The following ABR variants were observed in gnomAD, a reference collection of about 807,000 sequenced individuals.
The protein encoded by ABR is ABR activator of RhoGEF and GTPase.
ABR carries 35 observed loss-of-function variants against 107.2 expected under a neutral mutation model. That is an observed-to-expected ratio of 0.33 (90% CI 0.25 to 0.43). The LOEUF (loss-of-function observed/expected upper bound fraction) is 0.43. ABR is among the 20% of genes least tolerant of loss of function. The probability of loss-of-function intolerance (pLI) is 1.00; values close to 1 mark genes in which losing one functional copy is unlikely to be tolerated. For synonymous variants in ABR, 498 were observed against 462.0 expected, an observed-to-expected ratio of 1.08 and a Z score of -1.00; for missense variants, 815 against 1,115.2, an observed-to-expected ratio of 0.73 and a Z score of 3.83.
chr17:1,031,848 G>GCCCC (rs2072809723), intron 16 of ABR: 1 of 904,966 alleles, frequency 1.1e-6, no homozygotes. Context: ...CCCCGCGCTC[G>GCCCC]CCTCCCTCCC....
At chr17:1,147,687 C>A (rs574680985) in intron 1 of ABR, among the ~76,000 whole-genome samples, 152 of 152,154 alleles carry the variant, frequency 1.0e-3, no homozygotes, top group African/African-American at 3.5e-3. Flanking sequence ...TACGGCATGA[C>A]CGGCTACCCT....
intron 10 of ABR, among the ~76,000 whole-genome samples, chr17:1,065,684 C>G (rs955839374): frequency 2.6e-5 from 4 of 151,476 alleles, no homozygotes; most frequent in Non-Finnish European, 4.4e-5. Context: ...GTTTGCAGTT[C>G]TCATTTTGAA....
upstream of ABR, chr17:1,187,454 G>T (rs80056792): frequency 6.6e-6 from 1 of 152,330 alleles, no homozygotes; most frequent in Non-Finnish European, 1.5e-5. Context: ...AAAATCTCCA[G>T]CTTGGACACA....
chr17:1,151,223 C>T (rs2040780859), intron 1 of ABR, among the ~76,000 whole-genome samples: 1 of 152,190 alleles, frequency 6.6e-6, no homozygotes, highest in African/African-American at 2.4e-5. Flanking sequence ...CCTATTACCA[C>T]ACCTCAGAAG....
chr17:1,045,417 A>C (rs1340056872), intron 16 of ABR, among the ~76,000 whole-genome samples: 1 of 151,272 alleles, frequency 6.6e-6, no homozygotes, highest in Non-Finnish European at 1.5e-5. Context: ...TTCTTACAGC[A>C]GGACAATCTT....
At chr17:1,069,523 A>ACATGGTGG (rs956363369) in intron 9 of ABR, among the ~76,000 whole-genome samples, 1 of 152,014 alleles carries the variant, frequency 6.6e-6, no homozygotes, top group Non-Finnish European at 1.5e-5. Flanking sequence ...AATTAGCCAG[A>ACATGGTGG]CATGGTGGCA....
chr17:1,197,993 G>A (rs1327482092), intron 1 of ABR, among the ~76,000 whole-genome samples: 2 of 151,738 alleles, frequency 1.3e-5, no homozygotes, highest in Non-Finnish European at 2.9e-5. Context: ...GCGCCCGGCT[G>A]GCCGCAGCCC....
intron 1 of ABR, among the ~76,000 whole-genome samples, chr17:1,168,697 C>A (rs371372621): frequency 1.4e-4 from 22 of 152,332 alleles, no homozygotes; most frequent in African/African-American, 5.3e-4. Flanking sequence ...GGCTTGAGGA[C>A]AGACACGGCA....
intron 1 of ABR, among the ~76,000 whole-genome samples, chr17:1,171,829 C>G (rs746926570): frequency 6.6e-6 from 1 of 152,198 alleles, no homozygotes; most frequent in Non-Finnish European, 1.5e-5. Flanking sequence ...ACTCGGGAGG[C>G]TGAGGCAGGA....
chr17:1,086,894 A>G (rs2036626751), intron 4 of ABR, among the ~76,000 whole-genome samples: 1 of 151,474 alleles, frequency 6.6e-6, no homozygotes, highest in African/African-American at 2.4e-5. Context: ...GGATCACTTG[A>G]GCCCGAGTTC....
intron 1 of ABR, among the ~76,000 whole-genome samples, chr17:1,152,932 A>T (rs2151536981): frequency 6.6e-6 from 1 of 152,198 alleles, no homozygotes; most frequent in South Asian, 2.1e-4. Context: ...GTCTCTACTG[A>T]CAATACAAAA....
intron 10 of ABR, among the ~76,000 whole-genome samples, chr17:1,059,363 G>A (rs1162293822): frequency 2.6e-5 from 4 of 152,186 alleles, no homozygotes; most frequent in Non-Finnish European, 5.9e-5. Flanking sequence ...TCTCCACGTG[G>A]CCCTGGGCGG....
intron 1 of ABR, among the ~76,000 whole-genome samples, chr17:1,207,862 C>T (rs576498056): frequency 1.3e-5 from 2 of 151,428 alleles, no homozygotes; most frequent in Non-Finnish European, 2.9e-5. Context: ...CTCCGCCTCC[C>T]GGGTTCAAGC....
intron 16 of ABR, among the ~76,000 whole-genome samples, chr17:1,048,011 A>G (rs2261044): frequency 0.35 from 53,045 of 151,792 alleles, 9,795 homozygotes; most frequent in East Asian, 0.66. Context: ...CGTGGCGACC[A>G]CTCGTCTCTT....
chr17:1,059,516 C>T (rs2033693184), intron 10 of ABR, among the ~76,000 whole-genome samples: 1 of 152,060 alleles, frequency 6.6e-6, no homozygotes, highest in Admixed American at 6.5e-5. Flanking sequence ...CCTCAGACAC[C>T]TTTCAGCCTG....
chr17:1,015,749 C>T (rs549045909), intron 16 of ABR, among the ~76,000 whole-genome samples: 2 of 152,108 alleles, frequency 1.3e-5, no homozygotes, highest in African/African-American at 2.4e-5. Flanking sequence ...TGAGCCACCG[C>T]GCCTGGCCTC....
At position 1,078,915 on chromosome 17, in the gene ABR, G is replaced by A. The variant is rs531680949; in HGVS notation, c.700+415C>T. The A allele has an allele frequency of 4.2e-5, 64 of 1,532,836 alleles. No individual in the cohort carries two copies. Among genetic ancestry groups the A allele is most frequent in the African/African-American group, 6.8e-5 (5 of 73,074 alleles). The allele number at this position is 1,532,836 out of a possible 1,614,324, so 95.0% of individuals were successfully genotyped here. On this transcript the variant is annotated intron_variant, in intron 6 of 22. Transcript: ENST00000302538. This position sits in a 1 kb window ranked among gnomAD's most constrained non-coding sequence, Gnocchi z 7.5. ...CAGCCATCGCTCCAGGCTCCCCGGC[G>A]CCCACCAGCAGCCCGGCCACTCAGC...
At chr17:1,222,824 G>A (rs1358395424) in intron 1 of ABR, among the ~76,000 whole-genome samples, 6 of 152,066 alleles carry the variant, frequency 3.9e-5, no homozygotes, top group African/African-American at 7.2e-5. Context: ...TGGGAGGATC[G>A]CTTGAGCCTA....
rs1243338169 is a variant in ABR, at chr17:1,179,200, G to A, written c.61+467C>T. On this transcript the variant is annotated intron_variant, in intron 1 of 22. Coordinates refer to ENST00000302538, the MANE Select transcript of ABR (RefSeq NM_021962.5). This position sits in a 1 kb window ranked among gnomAD's most constrained non-coding sequence, Gnocchi z 4.9. ...CTGGGCCCTGAACCACACATGACCC[G>A]GTGCCCCTGGGGTGGCAAACTCGGG... 7.0e-6 allele frequency among the ~76,000 whole-genome samples: 1 copy of A among 142,926 alleles called. No homozygotes were observed. The highest frequency in any genetic ancestry group is 1.5e-5 in the Non-Finnish European group (1 of 64,606). 93.8% of individuals were successfully genotyped at this position (142,926 alleles called of 152,430 possible).
Sources: allele counts gnomAD v4.1 joint callset (sites outside exome capture counted in the v4.1 genomes callset), GRCh38; gene constraint gnomAD v4.1.1; non-coding constraint Gnocchi (gnomAD v3.1); transcripts MANE v1.5; gene names NCBI Gene and HGNC (gene_info 2026-07-23, HGNC 2026-07-21).